ABLIM1: variants seen among roughly 807,000 people sequenced by gnomAD.
ABLIM1 encodes actin binding LIM protein 1.
Under a neutral mutation model 107.0 loss-of-function variants are expected in ABLIM1, and 40 were observed. The observed-to-expected ratio is 0.37, with a 90% CI of 0.29 to 0.49. ABLIM1 has a LOEUF of 0.49. Ranked by LOEUF, ABLIM1 falls within the 20% of genes least tolerant of loss-of-function variation. ABLIM1 has a pLI of 0.97. For missense variants in ABLIM1, 857 were observed against 1,008.5 expected (o/e 0.85, Z 2.04); for synonymous variants, 357 against 357.3 (o/e 1.00, Z 0.01).
chr10:114,562,422 G>A (rs1052576933), intron 4 of ABLIM1, among the ~76,000 whole-genome samples: 4 of 152,070 alleles, frequency 2.6e-5, no homozygotes, highest in African/African-American at 7.2e-5. Flanking sequence ...CCAGCTACTC[G>A]GGAGGCTGAG....
At chr10:114,588,757 G>T (rs767707752) in intron 2 of ABLIM1, among the ~76,000 whole-genome samples, 1 of 151,730 alleles carries the variant, frequency 6.6e-6, no homozygotes, top group Non-Finnish European at 1.5e-5. Flanking sequence ...CACCAGCCTC[G>T]GCCTTCCAAA....
intron 6 of ABLIM1, among the ~76,000 whole-genome samples, chr10:114,504,392 C>A (rs1185590918): frequency 6.8e-6 from 1 of 146,830 alleles, no homozygotes; most frequent in South Asian, 2.3e-4. Context: ...CCCCCAACAT[C>A]CTGCTACATG....
intron 1 of ABLIM1, among the ~76,000 whole-genome samples, chr10:114,617,892 T>A (rs2077229044): frequency 6.6e-6 from 1 of 152,102 alleles, no homozygotes; most frequent in Non-Finnish European, 1.5e-5. Context: ...GGCAGTAGGA[T>A]CGCTTGAGCT....
chr10:114,683,213 C>T (rs1203876553), intron 1 of ABLIM1, among the ~76,000 whole-genome samples: 2 of 152,240 alleles, frequency 1.3e-5, no homozygotes, highest in East Asian at 3.8e-4. Context: ...CTGTTCTTGG[C>T]TGACCACCCA....
chr10:114,704,302 C>CTCTCTCTCTATATATATATATA (rs1380460034), intron 1 of ABLIM1, among the ~76,000 whole-genome samples: 5 of 43,082 alleles, frequency 1.2e-4, no homozygotes, highest in Non-Finnish European at 1.9e-4. Context: ...CTCTCTCTCT[C>CTCTCTCTCTATATATATATATA]TATATATATA....
rs1419407045 is a variant in ABLIM1 at position 114,431,617 on chromosome 10, A to G, written c.*4643T>C. On this transcript the variant is annotated 3_prime_UTR_variant, in exon 23 of 23. Coordinates refer to ENST00000533213, the MANE Select transcript of ABLIM1 (RefSeq NM_002313.7). ...ACGTATGCATATATGATCAGTAAGC[A>G]GCTCACATCTTTCTGAATGTCAAGG... The G allele has an allele frequency of 6.6e-6, 1 of 152,228 alleles. No individual in the cohort carries two copies. The highest frequency in any genetic ancestry group is 1.9e-4 in the East Asian group (1 of 5,200). 9.4% of individuals were successfully genotyped at this position (152,228 alleles called of 1,614,324 possible).
chr10:114,535,237 G>A (rs2065870905), intron 6 of ABLIM1, among the ~76,000 whole-genome samples: 1 of 152,180 alleles, frequency 6.6e-6, no homozygotes, highest in African/African-American at 2.4e-5. Context: ...GCCATGTCCT[G>A]TGCAGTGGTA....
At chr10:114,555,646 T>G (rs2068633548) in intron 4 of ABLIM1, among the ~76,000 whole-genome samples, 1 of 152,216 alleles carries the variant, frequency 6.6e-6, no homozygotes, top group African/African-American at 2.4e-5. Flanking sequence ...AGAAACTTTA[T>G]GCATCTAACC....
intron 1 of ABLIM1, chr10:114,615,520 T>G (rs1286449351): frequency 4.4e-6 from 2 of 457,780 alleles, no homozygotes; most frequent in Non-Finnish European, 8.8e-6. Flanking sequence ...TTCTATTTCT[T>G]TTTTCTTTTC....
Position 114,491,012 on chromosome 10 carries a change from G to GTATATA in ABLIM1, c.982+773_982+778dup, listed in dbSNP as rs71473045. On this transcript the variant is annotated intron_variant, in intron 7 of 22. Transcript: ENST00000533213. ...TGTGTGTGTGTGTGTGTGTGTGTGT[G>GTATATA]TATATATATATATGGTCTATTTTAT... Among the ~76,000 whole-genome samples the GTATATA allele has an allele frequency of 7.3e-4, 67 of 92,366 alleles. 2 individuals carry two copies. Among genetic ancestry groups the GTATATA allele is most frequent in the Middle Eastern group, 5.7e-3 (1 of 176 alleles). 60.6% of individuals were successfully genotyped at this position (92,366 alleles called of 152,430 possible).
chr10:114,785,719 G>C, the ABLIM1 span, among the ~76,000 whole-genome samples: 1 of 150,876 alleles, frequency 6.6e-6, no homozygotes, highest in Admixed American at 6.6e-5. Flanking sequence ...AACAGTTTTT[G>C]TTTGTTTGTT....
chr10:114,525,125 G>A (rs145731141), intron 6 of ABLIM1, among the ~76,000 whole-genome samples: 16 of 152,326 alleles, frequency 1.1e-4, no homozygotes, highest in East Asian at 9.6e-4. Flanking sequence ...TGCTACTGTC[G>A]CCTGGTGTGT....
At chr10:114,564,186 G>A (rs750070953) in intron 4 of ABLIM1, among the ~76,000 whole-genome samples, 2 of 151,730 alleles carry the variant, frequency 1.3e-5, no homozygotes, top group South Asian at 2.1e-4. Flanking sequence ...ACCCGGCCTC[G>A]TTGCTCTATC....
intron 10 of ABLIM1, among the ~76,000 whole-genome samples, chr10:114,471,337 TA>T: frequency 6.6e-6 from 1 of 152,186 alleles, no homozygotes; most frequent in African/African-American, 2.4e-5. Flanking sequence ...TTAACACCAT[TA>T]AAAAAACTCA....
chr10:114,616,024 T>C (rs1400486682), intron 1 of ABLIM1, among the ~76,000 whole-genome samples: 1 of 152,134 alleles, frequency 6.6e-6, no homozygotes, highest in Non-Finnish European at 1.5e-5. Context: ...TACTCATATT[T>C]ATTTATTTTT....
Position 114,491,012 on chromosome 10 carries a change from G to GTATATATA in ABLIM1, c.982+771_982+778dup, listed in dbSNP as rs71473045. Among the ~76,000 whole-genome samples, 409 of 92,356 alleles carry GTATATATA rather than the reference G, an allele frequency of 4.4e-3. 6 individuals are homozygous for GTATATATA. Among genetic ancestry groups the GTATATATA allele is most frequent in the African/African-American group, 0.017 (367 of 21,678 alleles). 60.6% of individuals were successfully genotyped at this position (92,356 alleles called of 152,430 possible). ...TGTGTGTGTGTGTGTGTGTGTGTGT[G>GTATATATA]TATATATATATATGGTCTATTTTAT... On this transcript the variant is annotated intron_variant, in intron 7 of 22. Transcript: ENST00000533213.
chr10:114,507,642 T>C (rs1223515496), intron 6 of ABLIM1, among the ~76,000 whole-genome samples: 1 of 152,176 alleles, frequency 6.6e-6, no homozygotes, highest in Admixed American at 6.5e-5. Flanking sequence ...ACACCTGCTG[T>C]ACCAGGCGCC....
chr10:114,642,498 A>C (rs927954445), intron 1 of ABLIM1, among the ~76,000 whole-genome samples: 2 of 152,240 alleles, frequency 1.3e-5, no homozygotes, highest in Admixed American at 1.3e-4. Flanking sequence ...AAAACTTTGA[A>C]ATGATTTCAA....
intron 1 of ABLIM1, among the ~76,000 whole-genome samples, chr10:114,621,784 G>C (rs550174693): frequency 8.5e-5 from 13 of 152,134 alleles, no homozygotes; most frequent in African/African-American, 1.2e-4. Flanking sequence ...AGTTATTCTC[G>C]AAGTGCCTCA....
Sources: gnomAD v4.1 joint callset for allele counts (sites outside exome capture counted in the v4.1 genomes callset) on GRCh38, gnomAD v4.1.1 for gene constraint, MANE v1.5 for transcripts, NCBI Gene and HGNC (gene_info 2026-07-23, HGNC 2026-07-21) for gene names.